THSD7A: variants seen among roughly 807,000 people sequenced by gnomAD.
The protein encoded by THSD7A is thrombospondin type-1 domain-containing protein 7A.
In THSD7A, 96 loss-of-function variants were observed where a neutral mutation model predicts 231.3. That is an observed-to-expected ratio of 0.41 (90% confidence interval 0.35 to 0.49). The LOEUF (loss-of-function observed/expected upper bound fraction) is 0.49, where lower values mean the gene tolerates loss of function less well. Among genes scored for constraint, THSD7A ranks in the 20% least tolerant of loss-of-function variants. THSD7A has a pLI of 0.05. For missense variants in THSD7A, 2,290 were observed against 2,070.2 expected, an observed-to-expected ratio of 1.11 and a Z score of -2.06; for synonymous variants, 940 against 743.3, an observed-to-expected ratio of 1.26 and a Z score of -4.30.
intron 1 of THSD7A, among the ~76,000 whole-genome samples, chr7:11,771,271 T>A (rs1783220424): frequency 6.6e-6 from 1 of 151,632 alleles, no homozygotes; most frequent in African/African-American, 2.4e-5. Context: ...TGTAGGCACA[T>A]CTAATAATAA....
At chr7:11,421,790 T>A (rs1027968705) in intron 16 of THSD7A, among the ~76,000 whole-genome samples, 6 of 152,240 alleles carry the variant, frequency 3.9e-5, no homozygotes, top group African/African-American at 1.4e-4. Flanking sequence ...TTTTCTAAGA[T>A]ATATTTTAAT....
rs541998453 is a variant in THSD7A, at chr7:11,514,454, T to C, written c.1822+26965A>G. On this transcript the variant is annotated intron_variant, in intron 6 of 27. Coordinates refer to ENST00000423059, the MANE Select transcript of THSD7A (RefSeq NM_015204.3). ...TGATATGTTTAGACACACGTATATATGTGTCAAAGCCATCATGATAAACAC... is the reference window on the plus strand; with the variant it reads ...TGATATGTTTAGACACACGTATATACGTGTCAAAGCCATCATGATAAACAC... 2.0e-5 allele frequency among the ~76,000 whole-genome samples: 3 copies of C among 152,256 alleles called. No individual in the cohort carries two copies. In the East Asian group the frequency reaches 5.8e-4, roughly 29 times the overall value.
At chr7:11,655,474 C>A (rs1782669336) in intron 1 of THSD7A, among the ~76,000 whole-genome samples, 1 of 151,808 alleles carries the variant, frequency 6.6e-6, no homozygotes, top group Admixed American at 6.6e-5. Flanking sequence ...TTCCTAACAG[C>A]TTTTCAACTC....
At chr7:11,776,103 G>C (rs1783397246) in intron 1 of THSD7A, among the ~76,000 whole-genome samples, 1 of 152,166 alleles carries the variant, frequency 6.6e-6, no homozygotes, top group Admixed American at 6.5e-5. Flanking sequence ...CTGAAGCCCT[G>C]ATTGGCCCAA....
At chr7:11,452,171 T>C (rs1785167283) in intron 11 of THSD7A, among the ~76,000 whole-genome samples, 1 of 151,928 alleles carries the variant, frequency 6.6e-6, no homozygotes, top group African/African-American at 2.4e-5. Context: ...ATTAAGTAAT[T>C]AGATGAGTGA....
In THSD7A at chr7:11,469,565, G is replaced by C. The variant is rs537059490; in HGVS notation, c.2368+314C>G. Among the ~76,000 whole-genome samples the C allele has an allele frequency of 1.8e-3, 270 of 152,190 alleles. 2 individuals carry two copies. Among genetic ancestry groups the C allele is most frequent in the African/African-American group, 6.2e-3 (257 of 41,540 alleles). ...TGATAAAAGCACTGTATATCATTTT[G>C]AAATACATATACCACGATATATTCC... On this transcript the variant is annotated intron_variant, in intron 9 of 27. Coordinates refer to ENST00000423059, the MANE Select transcript of THSD7A (RefSeq NM_015204.3).
intron 23 of THSD7A, among the ~76,000 whole-genome samples, chr7:11,389,415 C>G (rs1361326700): frequency 9.2e-6 from 1 of 108,732 alleles, no homozygotes; most frequent in Non-Finnish European, 1.8e-5. Context: ...AGAATTGCAA[C>G]TCCTGCTTTT....
chr7:11,779,123 T>G lies in THSD7A; in HGVS notation c.190+52634A>C, dbSNP rs563439996. 2.0e-5 allele frequency among the ~76,000 whole-genome samples: 3 copies of G among 152,248 alleles called. No homozygotes were observed. In the South Asian group the frequency reaches 6.2e-4, roughly 32 times the overall value. On this transcript the variant is annotated intron_variant, in intron 1 of 27. Transcript: ENST00000423059. ...TGCCAAAGATCAGTCTGCTAGCTAG[T>G]ACCAGAGATAGCTTTGACACCTAAT...
At chr7:11,475,675 T>C (rs1212994194) in intron 7 of THSD7A, among the ~76,000 whole-genome samples, 1 of 149,578 alleles carries the variant, frequency 6.7e-6, no homozygotes, top group Non-Finnish European at 1.5e-5. Context: ...CAAATTTTTC[T>C]AGGGAATATG....
At chr7:11,555,238 A>C (rs1789797316) in intron 4 of THSD7A, among the ~76,000 whole-genome samples, 1 of 151,858 alleles carries the variant, frequency 6.6e-6, no homozygotes, top group Non-Finnish European at 1.5e-5. Context: ...TGGTGTTACA[A>C]ATGTCTATCT....
In THSD7A at chr7:11,474,043, G is replaced by T. The variant is rs2128302185; in HGVS notation, c.2252+291C>A. On this transcript the variant is annotated intron_variant, in intron 8 of 27. Transcript: ENST00000423059. The surrounding 1 kb of genome is among the most constrained non-coding windows in gnomAD (Gnocchi z 4.1). ...TCATTATTGATCAGCCAGGCTTACG[G>T]CAAGCACTTCTTTCATTGCCTCACT... 6.6e-6 allele frequency among the ~76,000 whole-genome samples: 1 copy of T among 152,208 alleles called. No homozygotes were observed. Among genetic ancestry groups the T allele is most frequent in the Admixed American group, 6.5e-5 (1 of 15,276 alleles).
intron 11 of THSD7A, among the ~76,000 whole-genome samples, chr7:11,458,720 G>A (rs1562625377): frequency 6.6e-6 from 1 of 152,126 alleles, no homozygotes; most frequent in Non-Finnish European, 1.5e-5. Context: ...TGGGTAACAA[G>A]TATTCACTAC....
chr7:11,612,446 T>A (rs1045100941), intron 2 of THSD7A, among the ~76,000 whole-genome samples: 2 of 152,232 alleles, frequency 1.3e-5, no homozygotes, highest in Non-Finnish European at 2.9e-5. Flanking sequence ...CTCCTTTTTA[T>A]ATTCTTGAAG....
chr7:11,764,364 G>A (rs774796307), intron 1 of THSD7A, among the ~76,000 whole-genome samples: 3 of 152,122 alleles, frequency 2.0e-5, no homozygotes, highest in Admixed American at 1.3e-4. Flanking sequence ...GGTGGATCAC[G>A]AGGTCAGGAG....
At chr7:11,567,782 G>A (rs149845722) in intron 4 of THSD7A, among the ~76,000 whole-genome samples, 67 of 152,210 alleles carry the variant, frequency 4.4e-4, no homozygotes, top group Non-Finnish European at 7.9e-4. Flanking sequence ...CCACAAGTCA[G>A]ACCAGTTTTG....
intron 11 of THSD7A, among the ~76,000 whole-genome samples, chr7:11,454,416 C>T (rs184411640): frequency 6.6e-6 from 1 of 151,782 alleles, no homozygotes; most frequent in African/African-American, 2.4e-5. Flanking sequence ...TATCCTTGCC[C>T]CTTGCCTCTA....
chr7:11,765,670 C>T (rs1783009441), intron 1 of THSD7A, among the ~76,000 whole-genome samples: 1 of 152,038 alleles, frequency 6.6e-6, no homozygotes, highest in Non-Finnish European at 1.5e-5. Flanking sequence ...CTATGCATTT[C>T]CCCTGCTTGG....
chr7:11,767,667 T>C (rs1215071096), intron 1 of THSD7A, among the ~76,000 whole-genome samples: 1 of 152,136 alleles, frequency 6.6e-6, no homozygotes, highest in Non-Finnish European at 1.5e-5. Context: ...GATCTTTGGG[T>C]TTTCTGTTCA....
At chr7:11,570,727 T>C (rs1351192327) in intron 4 of THSD7A, among the ~76,000 whole-genome samples, 2 of 152,160 alleles carry the variant, frequency 1.3e-5, no homozygotes, top group African/African-American at 2.4e-5. Context: ...CAAAGAACCA[T>C]TGAACATGCA....
Sources: gnomAD v4.1 joint callset for allele counts (sites outside exome capture counted in the v4.1 genomes callset) on GRCh38, gnomAD v4.1.1 for gene constraint, Gnocchi (gnomAD v3.1) non-coding constraint, MANE v1.5 for transcripts, NCBI Gene and HGNC (gene_info 2026-07-23, HGNC 2026-07-21) for gene names.